The following CELA3A variants were observed in gnomAD, a reference collection of about 807,000 sequenced individuals.
CELA3A encodes chymotrypsin like elastase 3A, also known as chymotrypsin-like elastase family member 3A.
CELA3A carries 35 observed loss-of-function variants against 38.6 expected under a neutral mutation model. The ratio of observed to expected loss-of-function variants is 0.91; its 90% confidence interval spans 0.69 to 1.20. CELA3A has a LOEUF of 1.20. Ranked by LOEUF, CELA3A falls within the 50% of genes most tolerant of loss-of-function variation. The probability of loss-of-function intolerance (pLI) is 0.00; values close to 1 mark genes in which losing one functional copy is unlikely to be tolerated. For missense variants in CELA3A, 343 were observed against 354.2 expected (o/e 0.97, Z 0.25); for synonymous variants, 143 against 136.7 (o/e 1.05, Z -0.32).
chr1:22,006,362 A>G (rs1337095612), intron 4 of CELA3A, among the ~76,000 whole-genome samples: 1 of 151,218 alleles, frequency 6.6e-6, no homozygotes, highest in East Asian at 1.9e-4. Flanking sequence ...AGTGTATGAA[A>G]AAATCTTAAC....
In CELA3A at chr1:22,007,567, A is replaced by G. The variant is rs545364861; in HGVS notation, c.642+52A>G. The G allele has an allele frequency of 4.2e-4, 663 of 1,566,454 alleles. 10 individuals are homozygous for G. In the South Asian group the frequency reaches 7.0e-3, roughly 16 times the overall value. Reference sequence around the variant, plus strand: ...TGGTGCTGGGTGTGCAGGACCTTGGAATGGGGCCAACTGCCTGGAAGGTGG... The same window carrying G: ...TGGTGCTGGGTGTGCAGGACCTTGGGATGGGGCCAACTGCCTGGAAGGTGG... On this transcript the variant is annotated intron_variant, in intron 6 of 7. Coordinates refer to ENST00000290122, the MANE Select transcript of CELA3A (RefSeq NM_005747.5).
At chr1:22,004,423 A>T (rs1317338472) in intron 2 of CELA3A, among the ~76,000 whole-genome samples, 1 of 151,034 alleles carries the variant, frequency 6.6e-6, no homozygotes, top group Non-Finnish European at 1.5e-5. Flanking sequence ...AGTGGCTACC[A>T]TATTGGACAG....
rs1285082156 is a variant in CELA3A, at chr1:22,007,437, C to T, written c.564C>T (p.Cys188=). The change falls in exon 6 of 8, where the codon TGC becomes TGT. Residue 188 remains cysteine, a synonymous_variant. Transcript: ENST00000290122. ...TGCCCGTGGTGGACTATAAGCACTG[C>T]TCCAGGTGGAACTGGTGGGGTTCCA... ...ARLPVVDYKH[C]SRWNWWGSTV... 1.9e-6 allele frequency: 3 copies of T among 1,612,608 alleles called. No homozygotes were observed. The highest frequency in any genetic ancestry group is 2.5e-6 in the Non-Finnish European group (3 of 1,179,448).
In CELA3A at chr1:22,012,043, T is replaced by A. The variant is rs1486075716; in HGVS notation, c.796-407T>A. 1.6e-5 allele frequency among the ~76,000 whole-genome samples: 2 copies of A among 124,990 alleles called. 1 individual carries two copies. The highest frequency in any genetic ancestry group is 6.6e-5 in the African/African-American group (2 of 30,212). 82.0% of individuals were successfully genotyped at this position (124,990 alleles called of 152,430 possible). Reference sequence around the variant, plus strand: ...GCCTGGGCAACAGAGTGAGACTCTGTCTCAAAAAAAACCAAAAAAACAAAA... The same window carrying A: ...GCCTGGGCAACAGAGTGAGACTCTGACTCAAAAAAAACCAAAAAAACAAAA... On this transcript the variant is annotated intron_variant, in intron 7 of 7. Coordinates refer to ENST00000290122, the MANE Select transcript of CELA3A (RefSeq NM_005747.5).
chr1:22,009,070 T>A (rs944496976), intron 6 of CELA3A, among the ~76,000 whole-genome samples: 1 of 151,366 alleles, frequency 6.6e-6, no homozygotes, highest in African/African-American at 2.4e-5. Context: ...TGAAATCCCA[T>A]CTCTATTAAA....
At chr1:22,005,638 G>A (rs370258410) in intron 3 of CELA3A, 24 bp from the exon 4 acceptor site, 28 of 1,612,262 alleles carry the variant, frequency 1.7e-5, no homozygotes, top group East Asian at 6.7e-5. Context: ...GTCAGGCCCC[G>A]ACTGACCTCA....
chr1:22,006,786 T>G, intron 4 of CELA3A, 92 bp from the exon 5 acceptor site: 1 of 1,522,586 alleles, frequency 6.6e-7, no homozygotes, highest in East Asian at 2.3e-5. Context: ...AGTTGGGGCA[T>G]CTCAGAGGTG....
Position 22,006,897 on chromosome 1 carries a change from A to C in CELA3A, c.382A>C (p.Lys128Gln), listed in dbSNP as rs1322197538. The part of the protein sequence containing the change: ...VACGNDIALI[K>Q]LSRSAQLGDA... ...CCCCAGCAATGACATCGCCCTCATC[A>C]AGCTCTCACGCAGCGCCCAGCTGGG... is the stretch of plus-strand genomic sequence containing the variant. The change falls in exon 5 of 8, where the codon AAG (lysine) becomes CAG (glutamine). Residue 128 changes from lysine to glutamine, a missense_variant. By Grantham distance (53) the Lys-to-Gln change is moderately conservative. Transcript: ENST00000290122. The C allele has an allele frequency of 1.9e-6, 3 of 1,612,168 alleles. No homozygotes were observed. Among genetic ancestry groups the C allele is most frequent in the East Asian group, 2.2e-5 (1 of 44,684 alleles).
intron 2 of CELA3A, among the ~76,000 whole-genome samples, chr1:22,004,542 G>C (rs1180697707): frequency 6.6e-6 from 1 of 151,410 alleles, no homozygotes; most frequent in Non-Finnish European, 1.5e-5. Flanking sequence ...TTGATGGTTT[G>C]GATAGTAATG....
Position 22,003,430 on chromosome 1 carries a change from A to G in CELA3A, c.129+342A>G, listed in dbSNP as rs1011150674. Among the ~76,000 whole-genome samples the G allele has an allele frequency of 5.3e-5, 8 of 151,028 alleles. 1 individual carries two copies. The highest frequency in any genetic ancestry group is 2.0e-4 in the East Asian group (1 of 5,098). ...CCTAGGATGATACTACAGGGCTTTGAGGTCTGAAAGCAATAAGGGAGTGAG... is the reference window on the plus strand; with the variant it reads ...CCTAGGATGATACTACAGGGCTTTGGGGTCTGAAAGCAATAAGGGAGTGAG... On this transcript the variant is annotated intron_variant, in intron 2 of 7. Transcript: ENST00000290122.
intron 4 of CELA3A, 77 bp downstream of exon 4, chr1:22,005,873 G>A: frequency 6.2e-7 from 1 of 1,601,890 alleles, no homozygotes; most frequent in African/African-American, 1.3e-5. Context: ...GTCTGAGTAG[G>A]CTCCAACTCT....
chr1:22,002,928 T>C (rs1644926821), intron 1 of CELA3A, 75 bp from the exon 2 acceptor site: 1 of 1,382,672 alleles, frequency 7.2e-7, no homozygotes, highest in Admixed American at 1.7e-5. Flanking sequence ...AAGGCATGGC[T>C]TGGACTGGGA....
chr1:22,005,395 A>G, intron 2 of CELA3A, 52 bp from the exon 3 acceptor site: 3 of 1,602,126 alleles, frequency 1.9e-6, no homozygotes, highest in South Asian at 2.2e-5. Flanking sequence ...ATTGGTGGCA[A>G]CTCTCATGGT....
At chr1:22,011,274 A>G (rs1203765190) in intron 7 of CELA3A, among the ~76,000 whole-genome samples, 1 of 148,200 alleles carries the variant, frequency 6.7e-6, no homozygotes, top group African/African-American at 2.5e-5. Flanking sequence ...CCAGCTACTC[A>G]GGAGGCTGAG....
intron 1 of CELA3A, 91 bp downstream of exon 1, chr1:22,001,808 T>G: frequency 6.5e-7 from 1 of 1,546,136 alleles, no homozygotes; most frequent in Admixed American, 1.7e-5. Flanking sequence ...CATGACATGC[T>G]ATGCCTGGTT....
intron 1 of CELA3A, chr1:22,002,571 G>A (rs1454392964): frequency 2.4e-5 from 11 of 455,578 alleles, no homozygotes; most frequent in South Asian, 6.2e-5. Flanking sequence ...TCAAACTCCC[G>A]GGCTCAAGCG....
Position 22,008,534 on chromosome 1 carries a change from C to T in CELA3A, c.642+1019C>T, listed in dbSNP as rs12095640. Among the ~76,000 whole-genome samples, 1,355 of 150,628 alleles carry T rather than the reference C, an allele frequency of 9.0e-3. 69 individuals carry two copies. The highest frequency in any genetic ancestry group is 0.031 in the African/African-American group (1,272 of 40,610). ...CAGCACTTTGGGAGGCCGAGCCGGG[C>T]GGATCACGAGGTCAGGAGATCGAGA... On this transcript the variant is annotated intron_variant, in intron 6 of 7. Transcript: ENST00000290122.
intron 7 of CELA3A, among the ~76,000 whole-genome samples, chr1:22,010,404 G>A (rs1644976507): frequency 6.6e-6 from 1 of 151,196 alleles, no homozygotes; most frequent in African/African-American, 2.4e-5. Context: ...GGATCACGAG[G>A]TTAGGAGTTC....
At chr1:22,003,778 T>C (rs1018172700) in intron 2 of CELA3A, among the ~76,000 whole-genome samples, 1 of 151,000 alleles carries the variant, frequency 6.6e-6, no homozygotes, top group Non-Finnish European at 1.5e-5. Context: ...CAATCTTGGC[T>C]CACTGCAAAC....
Sources: allele counts gnomAD v4.1 joint callset (sites outside exome capture counted in the v4.1 genomes callset), GRCh38; gene constraint gnomAD v4.1.1; transcripts MANE v1.5; gene names NCBI Gene and HGNC (gene_info 2026-07-23, HGNC 2026-07-21).